Variants in P3H4 observed in about 807,000 individuals in gnomAD.
P3H4 encodes prolyl 3-hydroxylase family member 4 (inactive).
In P3H4, 47 loss-of-function variants were observed where a neutral mutation model predicts 52.9. The ratio of observed to expected loss-of-function variants is 0.89; its 90% CI spans 0.70 to 1.13. The LOEUF is 1.13. Among genes scored for constraint, P3H4 ranks in the 50% most tolerant of loss-of-function variants. The probability of loss-of-function intolerance (pLI) is 0.00; values close to 1 mark genes in which losing one functional copy is unlikely to be tolerated. For missense variants in P3H4, 585 were observed against 611.0 expected, an observed-to-expected ratio of 0.96 and a Z score of 0.45; for synonymous variants, 256 against 267.9, an observed-to-expected ratio of 0.96 and a Z score of 0.44.
At chr17:41,807,461 C>T (rs2144021140) in intron 5 of P3H4, 1 of 155,566 alleles carries the variant, frequency 6.4e-6, no homozygotes, top group South Asian at 2.0e-4. Flanking sequence ...CCCATCCTGC[C>T]TTCCATGGAA....
In P3H4 at chr17:41,811,276, C is replaced by A. The variant is rs147735599; in HGVS notation, c.471G>T (p.Arg157=). The A allele has an allele frequency of 6.2e-7, 1 of 1,613,248 alleles. No homozygotes were observed. The highest frequency in any genetic ancestry group is 2.2e-5 in the East Asian group (1 of 44,874). Residue 157 remains arginine, a synonymous_variant, in exon 2 of 8, where the codon CGG becomes CGT. Transcript: ENST00000393928. This position sits in a 1 kb window ranked among gnomAD's most constrained non-coding sequence, Gnocchi z 4.8. The part of the protein sequence containing the change: ...YLHYALFKAN[R]LEKAVAAAYT... ...AGGCCGCCGCCACCGCCTTCTCCAG[C>A]CGGTTAGCCTGGTCGGGGGGTAGGG...
At chr17:41,808,414 G>T (rs549022980) in intron 4 of P3H4, among the ~76,000 whole-genome samples, 6 of 152,192 alleles carry the variant, frequency 3.9e-5, no homozygotes, top group Middle Eastern at 3.4e-3. Flanking sequence ...TTGAGACAGG[G>T]TCTTGTTCTG....
chr17:41,807,757 C>G (rs937879171), intron 5 of P3H4, 102 bp downstream of exon 5: 26 of 1,436,020 alleles, frequency 1.8e-5, no homozygotes, highest in Admixed American at 6.8e-5. Flanking sequence ...CTCAGCCTCC[C>G]AAAGTGCTGG....
At chr17:41,804,865 T>A (rs1452501492) in intron 6 of P3H4, among the ~76,000 whole-genome samples, 1 of 151,116 alleles carries the variant, frequency 6.6e-6, no homozygotes, top group African/African-American at 2.4e-5. Flanking sequence ...TCCCAGCTAC[T>A]CGGAGGCTGA....
At chr17:41,810,355 G>A (rs2047716491) in intron 3 of P3H4, among the ~76,000 whole-genome samples, 1 of 151,840 alleles carries the variant, frequency 6.6e-6, no homozygotes, top group Admixed American at 6.6e-5. Flanking sequence ...TGTACTTTCA[G>A]TAGAGACGGG....
rs1467007490 is a variant in P3H4 at position 41,809,751 on chromosome 17, A to G, written c.871T>C (p.Phe291Leu). 6.2e-7 allele frequency: 1 copy of G among 1,613,712 alleles called. No homozygotes were observed. Among genetic ancestry groups the G allele is most frequent in the Non-Finnish European group, 8.5e-7 (1 of 1,179,992 alleles). The part of the protein sequence containing the change: ...PNVGGYFVDK[F>L]VATMYHYLQF... ...AGGTAGTGGTACATGGTGGCCACGA[A>G]CTTGTCCACGAAGTAGCCACCCACA... is the stretch of plus-strand genomic sequence containing the variant. Residue 291 changes from phenylalanine to leucine, a missense_variant, in exon 4 of 8, where the codon TTC becomes CTC. By Grantham distance (22) the Phe-to-Leu change is conservative (BLOSUM62 0). Transcript: ENST00000393928.
chr17:41,803,509 G>A, intron 6 of P3H4, 78 bp from the exon 7 acceptor site: 1 of 1,289,620 alleles, frequency 7.8e-7, no homozygotes, highest in East Asian at 2.5e-5. Context: ...CCTGGCCAAT[G>A]GGACTTCCCA....
Position 41,811,719 on chromosome 17 carries a change from T to G in P3H4, c.197A>C (p.His66Pro). ...GGCCTCGCTGTCGCGCAGGAGCCGGTGCAGCCGCAGCGCCGCCTCCAGGTA... is the reference window on the plus strand; with the variant it reads ...GGCCTCGCTGTCGCGCAGGAGCCGGGGCAGCCGCAGCGCCGCCTCCAGGTA... ...ARYLEAALRL[H>P]RLLRDSEAFC... The change falls in exon 1 of 8, where the codon CAC (histidine) becomes CCC (proline). Residue 66 changes from histidine to proline, a missense_variant. By Grantham distance (77) the His-to-Pro change is moderately conservative. Transcript: ENST00000393928. The surrounding 1 kb of genome is among the most constrained non-coding windows in gnomAD (Gnocchi z 4.8). 8.0e-6 allele frequency: 12 copies of G among 1,500,372 alleles called. No homozygotes were observed. The highest frequency in any genetic ancestry group is 1.1e-5 in the Non-Finnish European group (12 of 1,136,134). The allele number at this position is 1,500,372 out of a possible 1,614,324, so 92.9% of individuals were successfully genotyped here. A position where few individuals can be genotyped will look rare whatever the true frequency, so the allele number is the denominator to read the frequency against.
Position 41,807,554 on chromosome 17 carries a change from G to C in P3H4, c.1062+305C>G, listed in dbSNP as rs111235573. 2.4e-3 allele frequency: 436 copies of C among 181,522 alleles called. 6 individuals are homozygous for C. Among genetic ancestry groups the C allele is most frequent in the African/African-American group, 9.8e-3 (415 of 42,564 alleles). The allele number at this position is 181,522 out of a possible 1,614,324, so 11.2% of individuals were successfully genotyped here. On this transcript the variant is annotated intron_variant, in intron 5 of 7. Transcript: ENST00000393928. Reference sequence around the variant, plus strand: ...GCTCTGTCACCCAGACTGGAGTGCAGTGGCGCGATCTCCGCTCACTGCAAG... The same window carrying C: ...GCTCTGTCACCCAGACTGGAGTGCACTGGCGCGATCTCCGCTCACTGCAAG...
rs1056661805 is a variant in P3H4 at position 41,811,658 on chromosome 17, C to T, written c.258G>A (p.Ala86=). 2.8e-6 allele frequency: 4 copies of T among 1,430,186 alleles called. No homozygotes were observed. Among genetic ancestry groups the T allele is most frequent in the Non-Finnish European group, 1.8e-6 (2 of 1,103,496 alleles). The allele number at this position is 1,430,186 out of a possible 1,614,324, so 88.6% of individuals were successfully genotyped here. A position where few individuals can be genotyped will look rare whatever the true frequency, so the allele number is the denominator to read the frequency against. ...GGCCGCCGTCGGGATCGGGCTTGGC[C>T]GCGGGCGCGGGGCCGCTGCAGTTGG... is the stretch of plus-strand genomic sequence containing the variant. ...CHANCSGPAP[A]AKPDPDGGRA... Residue 86 remains alanine, a synonymous_variant, in exon 1 of 8, where the codon GCG becomes GCA. Coordinates refer to ENST00000393928, the MANE Select transcript of P3H4 (RefSeq NM_006455.3). The surrounding 1 kb of genome is among the most constrained non-coding windows in gnomAD (Gnocchi z 4.8).
In P3H4 at chr17:41,811,026, G is replaced by A; in HGVS notation, c.624C>T (p.Phe208=). ...DLEAQPYEAV[F]LRAVKLYNSG... ...TGTTGTAGAGCTTCACAGCCCGGAG[G>A]AACACGGCCTGGAAGGGGCGTGGCA... Residue 208 remains phenylalanine, a synonymous_variant, in exon 3 of 8, where the codon TTC becomes TTT. Transcript: ENST00000393928. The surrounding 1 kb of genome is among the most constrained non-coding windows in gnomAD (Gnocchi z 4.8). 1 of 1,612,584 alleles carries A rather than the reference G, an allele frequency of 6.2e-7. No homozygotes were observed.
chr17:41,806,795 C>T lies in P3H4; in HGVS notation c.1146+1G>A, dbSNP rs1597895568. 3 of 1,612,832 alleles carry T rather than the reference C, an allele frequency of 1.9e-6. No homozygotes were observed. The highest frequency in any genetic ancestry group is 1.7e-6 in the Non-Finnish European group (2 of 1,179,254). ...AATCCTGGAAAGCAGGAGGCACTCACCTCATCATCTGACTGCAGGTACATG... is the reference window on the plus strand; with the variant it reads ...AATCCTGGAAAGCAGGAGGCACTCATCTCATCATCTGACTGCAGGTACATG... On this transcript the variant is annotated splice_donor_variant, in intron 6 of 7. Coordinates refer to ENST00000393928, the MANE Select transcript of P3H4 (RefSeq NM_006455.3). LOFTEE classifies it high-confidence loss of function.
chr17:41,802,931 C>T lies in P3H4; in HGVS notation c.*26G>A. On this transcript the variant is annotated 3_prime_UTR_variant, in exon 8 of 8. Coordinates refer to ENST00000393928, the MANE Select transcript of P3H4 (RefSeq NM_006455.3). Reference sequence around the variant, plus strand: ...GGCCATCGGCACCAGGCTTCCCAAGCTTGAGCGGTGTGGGGTGTCCCCTTC... The same window carrying T: ...GGCCATCGGCACCAGGCTTCCCAAGTTTGAGCGGTGTGGGGTGTCCCCTTC... The T allele has an allele frequency of 3.1e-6, 5 of 1,610,262 alleles. No homozygotes were observed. Among genetic ancestry groups the T allele is most frequent in the Non-Finnish European group, 3.4e-6 (4 of 1,178,650 alleles).
Position 41,811,488 on chromosome 17 carries a change from A to G in P3H4, c.428T>C (p.Leu143Pro). Residue 143 changes from leucine to proline, a missense_variant, in exon 1 of 8, where the codon CTG becomes CCG. Transcript: ENST00000393928. The surrounding 1 kb of genome is among the most constrained non-coding windows in gnomAD (Gnocchi z 4.8). The part of the protein sequence containing the change: ...RQLLRDFQSR[L>P]PYQYLHYALF... The stretch of plus-strand genomic sequence containing the variant: ...CGCGTAGTGCAGGTACTGGTAGGGC[A>G]GGCGGCTCTGGAAGTCACGCAGCAG... 6.2e-7 allele frequency: 1 copy of G among 1,612,120 alleles called. No individual in the cohort carries two copies. Among genetic ancestry groups the G allele is most frequent in the Non-Finnish European group, 8.5e-7 (1 of 1,179,692 alleles).
intron 6 of P3H4, among the ~76,000 whole-genome samples, 177 bp downstream of exon 6, chr17:41,806,619 G>A (rs531258084): frequency 8.2e-4 from 125 of 152,376 alleles, no homozygotes; most frequent in African/African-American, 2.3e-3. Flanking sequence ...AGGAGGACAT[G>A]AGAATACTAA....
At position 41,809,802 on chromosome 17, in the gene P3H4, C is replaced by T. The variant is rs782038572; in HGVS notation, c.820G>A (p.Asp274Asn). 2.5e-6 allele frequency: 4 copies of T among 1,613,714 alleles called. No homozygotes were observed. The highest frequency in any genetic ancestry group is 3.4e-6 in the Non-Finnish European group (4 of 1,179,888). ...LFAESLQCKV[D>N]CEANLTPNVG... is the part of the protein sequence containing the mutation. ...TTGGGGGTCAAATTGGCCTCACAGT[C>T]CACCTTGCACTGCAGGGACTCTGCA... Residue 274 changes from aspartate (D) to asparagine (N), a missense_variant, in exon 4 of 8, where the codon GAC becomes AAC. Asp to Asn is a conservative substitution (Grantham distance 23). Coordinates refer to ENST00000393928, the MANE Select transcript of P3H4 (RefSeq NM_006455.3).
rs1014760569 is a variant in P3H4 at position 41,809,562 on chromosome 17, T to A, written c.916+144A>T. The stretch of plus-strand genomic sequence containing the variant: ...AGACTCCCAGGGTGCCTTCCCCATA[T>A]TCCCACCACCCCTAGACTTTCCTCC... On this transcript the variant is annotated intron_variant, in intron 4 of 7. Transcript: ENST00000393928. 4.2e-6 allele frequency: 4 copies of A among 961,366 alleles called. No individual in the cohort carries two copies. In the African/African-American group the frequency reaches 6.5e-5, roughly 16 times the overall value. The allele number at this position is 961,366 out of a possible 1,614,324, so 59.6% of individuals were successfully genotyped here. A position where few individuals can be genotyped will look rare whatever the true frequency, so the allele number is the denominator to read the frequency against.
At chr17:41,803,122 C>A in intron 7 of P3H4, 143 bp from the exon 8 acceptor site, 1 of 1,407,990 alleles carries the variant, frequency 7.1e-7, no homozygotes, top group Non-Finnish European at 9.7e-7. Context: ...TGCTGCACCA[C>A]CACCCCCAAG....
In P3H4 at chr17:41,810,845, G is replaced by A; in HGVS notation, c.787+18C>T. 1 of 1,604,918 alleles carries A rather than the reference G, an allele frequency of 6.2e-7. No individual in the cohort carries two copies. Among genetic ancestry groups the A allele is most frequent in the Non-Finnish European group, 8.5e-7 (1 of 1,173,598 alleles). ...TGTGGGTGAGAGGACCGCCCACCGT[G>A]GTCTGGGTGGCAGATACCTGCTATG... On this transcript the variant is annotated intron_variant, in intron 3 of 7. Transcript: ENST00000393928.
Sources: allele counts gnomAD v4.1 joint callset (sites outside exome capture counted in the v4.1 genomes callset), GRCh38; gene constraint gnomAD v4.1.1; non-coding constraint Gnocchi (gnomAD v3.1); transcripts MANE v1.5; gene names NCBI Gene and HGNC (gene_info 2026-07-23, HGNC 2026-07-21).